Variants in KYAT3 observed in about 807,000 individuals in gnomAD.
KYAT3 encodes the protein kynurenine--oxoglutarate transaminase 3.
A neutral mutation model predicts 59.0 loss-of-function variants in KYAT3; 50 were observed. The ratio of observed to expected loss-of-function variants is 0.85; its 90% CI spans 0.68 to 1.07. The LOEUF (loss-of-function observed/expected upper bound fraction) is 1.07, where lower values mean the gene tolerates loss of function less well. Ranked by LOEUF, KYAT3 falls within the 50% of genes least tolerant of loss-of-function variation. The pLI is 0.00. For missense variants in KYAT3, 497 were observed against 533.3 expected, an observed-to-expected ratio of 0.93 and a Z score of 0.67; for synonymous variants, 148 against 177.0, an observed-to-expected ratio of 0.84 and a Z score of 1.30.
At chr1:88,962,414 A>G (rs993801576) in intron 5 of KYAT3, among the ~76,000 whole-genome samples, 7 of 152,220 alleles carry the variant, frequency 4.6e-5, no homozygotes, top group South Asian at 4.1e-4. Context: ...AAAATTTCAT[A>G]TATGCATAGA....
At chr1:88,921,313 A>G in the KYAT3 span, among the ~76,000 whole-genome samples, 6 of 152,372 alleles carry the variant, frequency 3.9e-5, no homozygotes, top group Admixed American at 3.9e-4. Context: ...GCCTTTTTCC[A>G]TAAAGGGAAG....
chr1:88,940,196 AG>A (rs1404941526), intron 13 of KYAT3, among the ~76,000 whole-genome samples: 1 of 151,994 alleles, frequency 6.6e-6, no homozygotes, highest in African/African-American at 2.4e-5. Flanking sequence ...CAGCCTCCCA[AG>A]TAACTGAGAT....
At chr1:88,933,354 G>A (rs1282094299), downstream of KYAT3, among the ~76,000 whole-genome samples, 3 of 152,082 alleles carry the variant, frequency 2.0e-5, no homozygotes, top group East Asian at 5.8e-4. Flanking sequence ...TGATACTTAT[G>A]GAAGGAAGGA....
chr1:88,967,436 A>C (rs1676389353), intron 4 of KYAT3, among the ~76,000 whole-genome samples: 1 of 151,856 alleles, frequency 6.6e-6, no homozygotes, highest in Non-Finnish European at 1.5e-5. Flanking sequence ...TGTCATTAAA[A>C]TTAATGGCAA....
At chr1:88,990,184 A>G (rs1004003162) in intron 1 of KYAT3, among the ~76,000 whole-genome samples, 1 of 152,070 alleles carries the variant, frequency 6.6e-6, no homozygotes, top group African/African-American at 2.4e-5. Context: ...CACGACTTAG[A>G]TCTCATTCCC....
the KYAT3 span, among the ~76,000 whole-genome samples, chr1:88,926,461 G>A: frequency 1.9e-4 from 29 of 152,180 alleles, no homozygotes; most frequent in Middle Eastern, 3.2e-3. Flanking sequence ...GTACAGGTGT[G>A]TGCCACCATA....
At chr1:88,925,751 A>G in the KYAT3 span, among the ~76,000 whole-genome samples, 38 of 151,438 alleles carry the variant, frequency 2.5e-4, no homozygotes, top group East Asian at 6.0e-3. Context: ...CAGAGGAGAT[A>G]GAGAGAGAGA....
chr1:88,961,928 G>T (rs982095203), intron 6 of KYAT3, 131 bp downstream of exon 6: 12 of 677,830 alleles, frequency 1.8e-5, no homozygotes, highest in Non-Finnish European at 2.6e-5. Context: ...AAGACAACTA[G>T]ACAAATAGAG....
rs138601875 is a variant in KYAT3, at chr1:88,973,386, G to A, written c.100-3919C>T. On this transcript the variant is annotated intron_variant, in intron 2 of 13. Transcript: ENST00000260508. The stretch of plus-strand genomic sequence containing the variant: ...GTTTACAAGACACTATACAATGTTC[G>A]GAGTCACCAAGATTCTGCAGTAGAT... Among the ~76,000 whole-genome samples, 24 of 152,252 alleles carry A rather than the reference G, an allele frequency of 1.6e-4. No individual in the cohort carries two copies. The South Asian group carries it at 2.7e-3, about 17-fold the overall frequency.
Position 88,971,290 on chromosome 1 carries a change from A to G in KYAT3, c.100-1823T>C, listed in dbSNP as rs1676547385. On this transcript the variant is annotated intron_variant, in intron 2 of 13. Transcript: ENST00000260508. ...ACTTTCAGGTTTAATTTTCTTTAAA[A>G]TTTGTTTCTAGACTGGCCTCTTCTC... is the stretch of plus-strand genomic sequence containing the variant. Among the ~76,000 whole-genome samples, 3 of 152,264 alleles carry G rather than the reference A, an allele frequency of 2.0e-5. No homozygotes were observed. The South Asian group carries it at 6.2e-4, about 32-fold the overall frequency.
chr1:88,958,665 C>CA (rs1676020910), intron 8 of KYAT3, among the ~76,000 whole-genome samples: 1 of 152,154 alleles, frequency 6.6e-6, no homozygotes. Context: ...ATATTAATGG[C>CA]AAAATCAGAA....
chr1:88,950,528 A>G (rs1282003576), intron 10 of KYAT3, among the ~76,000 whole-genome samples: 2 of 150,614 alleles, frequency 1.3e-5, no homozygotes, highest in Non-Finnish European at 3.0e-5. Context: ...CAACTTGTTC[A>G]TTTACTATAG....
At chr1:88,946,539 G>A (rs553611800) in intron 11 of KYAT3, among the ~76,000 whole-genome samples, 2 of 152,080 alleles carry the variant, frequency 1.3e-5, no homozygotes, top group African/African-American at 4.8e-5. Context: ...AATATGAGAA[G>A]GCTCACATTC....
At chr1:88,957,452 C>T (rs1016161599) in intron 8 of KYAT3, among the ~76,000 whole-genome samples, 1 of 152,142 alleles carries the variant, frequency 6.6e-6, no homozygotes, top group Non-Finnish European at 1.5e-5. Context: ...TACTGTTGCA[C>T]TTTGCAAATT....
chr1:88,972,897 C>T (rs925187119), intron 2 of KYAT3, among the ~76,000 whole-genome samples: 34 of 152,162 alleles, frequency 2.2e-4, no homozygotes, highest in Admixed American at 1.4e-3. Context: ...TAATGAGATA[C>T]GTGGTTGCTA....
intron 11 of KYAT3, among the ~76,000 whole-genome samples, chr1:88,945,879 C>T (rs1217165005): frequency 2.0e-5 from 3 of 152,092 alleles, no homozygotes; most frequent in African/African-American, 7.2e-5. Context: ...CATTTTTCCA[C>T]GAGTGAAGGA....
intron 2 of KYAT3, among the ~76,000 whole-genome samples, chr1:88,975,215 A>G (rs765179035): frequency 1.3e-5 from 2 of 151,794 alleles, no homozygotes; most frequent in Non-Finnish European, 2.9e-5. Context: ...CACTCACCAC[A>G]AGGGTCTGTG....
In KYAT3 at chr1:88,988,279, G is replaced by C. The variant is rs760308849; in HGVS notation, c.72C>G (p.Ser24=). 3.1e-6 allele frequency: 5 copies of C among 1,613,256 alleles called. No homozygotes were observed. Among genetic ancestry groups the C allele is most frequent in the Non-Finnish European group, 4.2e-6 (5 of 1,179,406 alleles). ...RAKFLKTISS[S]KILGFSTSAK... is the part of the protein sequence containing the mutation. Reference sequence around the variant, plus strand: ...CAGAAGTAGAGAATCCGAGGATTTTGGAAGAAGAAATTGTCTTCAGGAATT... The same window carrying C: ...CAGAAGTAGAGAATCCGAGGATTTTCGAAGAAGAAATTGTCTTCAGGAATT... Residue 24 remains serine (S), a synonymous_variant, in exon 2 of 14, where the codon TCC becomes TCG. Transcript: ENST00000260508.
intron 1 of KYAT3, among the ~76,000 whole-genome samples, chr1:88,990,125 C>G (rs1026876162): frequency 2.6e-5 from 4 of 152,052 alleles, no homozygotes; most frequent in African/African-American, 9.7e-5. Context: ...TTTTTCCTTC[C>G]CAGTATAATA....
Sources: gnomAD v4.1 joint callset for allele counts (sites outside exome capture counted in the v4.1 genomes callset) on GRCh38, gnomAD v4.1.1 for gene constraint, MANE v1.5 for transcripts, NCBI Gene and HGNC (gene_info 2026-07-23, HGNC 2026-07-21) for gene names.